The following MAST4 variants were observed in gnomAD, a reference collection of about 807,000 sequenced individuals.
The protein encoded by MAST4 is microtubule-associated serine/threonine-protein kinase 4.
MAST4 carries 89 observed loss-of-function variants against 162.7 expected under a neutral mutation model. That is an observed-to-expected ratio of 0.55 (90% CI 0.46 to 0.65). MAST4 has a LOEUF of 0.65. Among genes scored for constraint, MAST4 ranks in the 30% least tolerant of loss-of-function variants. The probability of loss-of-function intolerance (pLI) is 0.00; values close to 1 mark genes in which losing one functional copy is unlikely to be tolerated. For synonymous variants in MAST4, 1,479 were observed against 1,361.1 expected (o/e 1.09, Z -1.91); for missense variants, 3,153 against 3,374.0 (o/e 0.93, Z 1.62).
chr5:66,993,905 A>G (rs188123459), intron 4 of MAST4, among the ~76,000 whole-genome samples: 29 of 140,188 alleles, frequency 2.1e-4, no homozygotes, highest in African/African-American at 7.3e-4. Flanking sequence ...TATAGAATCA[A>G]TGGGTGTGCA....
At chr5:66,733,011 C>T (rs1234221473) in intron 1 of MAST4, among the ~76,000 whole-genome samples, 2 of 151,996 alleles carry the variant, frequency 1.3e-5, no homozygotes, top group Non-Finnish European at 2.9e-5. Flanking sequence ...TAATCCAGGT[C>T]TTCCCTTCAT....
chr5:67,114,998 A>G (rs921844847), intron 12 of MAST4: 1 of 150,082 alleles, frequency 6.7e-6, no homozygotes, highest in Non-Finnish European at 1.5e-5. Flanking sequence ...GTGAACCGAG[A>G]TCGCACCACT....
chr5:66,773,046 A>T (rs763414335), intron 2 of MAST4, among the ~76,000 whole-genome samples: 1 of 152,128 alleles, frequency 6.6e-6, no homozygotes, highest in Non-Finnish European at 1.5e-5. Flanking sequence ...TACCCAGGCC[A>T]TTCATCTCTT....
chr5:66,606,310 T>C (rs1476661643), intron 1 of MAST4, among the ~76,000 whole-genome samples: 1 of 152,218 alleles, frequency 6.6e-6, no homozygotes. Context: ...TGCTTGCTTC[T>C]TTTTCTAGAA....
intron 1 of MAST4, among the ~76,000 whole-genome samples, chr5:66,691,706 T>G (rs1209390040): frequency 6.6e-6 from 1 of 152,138 alleles, no homozygotes; most frequent in Non-Finnish European, 1.5e-5. Context: ...CTGAGATAGC[T>G]TTTATAAGGG....
intron 4 of MAST4, among the ~76,000 whole-genome samples, chr5:67,000,746 C>G (rs958593383): frequency 1.8e-5 from 2 of 114,170 alleles, no homozygotes; most frequent in African/African-American, 6.0e-5. Context: ...GAAACTCTGT[C>G]TAAAAAAAAA....
intron 3 of MAST4, among the ~76,000 whole-genome samples, chr5:66,807,963 T>A (rs56146563): frequency 0.015 from 2,339 of 152,342 alleles, 61 homozygotes; most frequent in African/African-American, 0.053. Flanking sequence ...AACAGTTGAC[T>A]CACTCCAAGG....
At chr5:67,139,934 A>C (rs1304113491) in intron 19 of MAST4, among the ~76,000 whole-genome samples, 2 of 152,210 alleles carry the variant, frequency 1.3e-5, no homozygotes, top group African/African-American at 4.8e-5. Context: ...ATGGGCTGTA[A>C]ATCCTTGAGG....
At chr5:66,956,318 G>A (rs1581007112) in intron 4 of MAST4, among the ~76,000 whole-genome samples, 1 of 152,142 alleles carries the variant, frequency 6.6e-6, no homozygotes, top group Admixed American at 6.5e-5. Flanking sequence ...AGGGGTGCTG[G>A]AGTCTTTTTG....
rs1581786536 is a variant in MAST4 at position 67,165,091 on chromosome 5, G to A, written c.5912G>A (p.Arg1971Lys). ...CCCTCAAGGGAGAAGCCAGGCCTGA[G>A]GGAATCGTCTGAAAGAGGCCCTCCC... ...ASPSREKPGL[R>K]ESSERGPPTA... The change falls in exon 29 of 29, where the codon AGG becomes AAG. Residue 1971 changes from arginine to lysine, a missense_variant. Arg to Lys is a conservative substitution (Grantham distance 26). Coordinates refer to ENST00000403625, the MANE Select transcript of MAST4 (RefSeq NM_001164664.2). 6.3e-7 allele frequency: 1 copy of A among 1,594,208 alleles called. No homozygotes were observed. Among genetic ancestry groups the A allele is most frequent in the Non-Finnish European group, 8.5e-7 (1 of 1,170,270 alleles).
In MAST4 at chr5:67,164,128, G is replaced by A. The variant is rs1478861791; in HGVS notation, c.4949G>A (p.Cys1650Tyr). The change falls in exon 29 of 29, where the codon TGC (cysteine) becomes TAC (tyrosine). Residue 1650 changes from cysteine (C) to tyrosine (Y), a missense_variant. Coordinates refer to ENST00000403625, the MANE Select transcript of MAST4 (RefSeq NM_001164664.2). The surrounding 1 kb of genome is among the most constrained non-coding windows in gnomAD (Gnocchi z 5.3). Reference protein sequence around the residue: ...PAPGTLQDGLCHSLDRGISGK... With the variant: ...PAPGTLQDGLYHSLDRGISGK... ...CCTGGCACCCTCCAGGATGGTCTCTGCCACTCCCTCGACAGGGGCATCTCT... is the reference window on the plus strand; with the variant it reads ...CCTGGCACCCTCCAGGATGGTCTCTACCACTCCCTCGACAGGGGCATCTCT... 2 of 1,601,444 alleles carry A rather than the reference G, an allele frequency of 1.2e-6. No individual in the cohort carries two copies. Among genetic ancestry groups the A allele is most frequent in the East Asian group, 2.3e-5 (1 of 44,344 alleles).
chr5:66,728,996 T>C (rs946611704), intron 1 of MAST4, among the ~76,000 whole-genome samples: 1 of 152,206 alleles, frequency 6.6e-6, no homozygotes, highest in Non-Finnish European at 1.5e-5. Flanking sequence ...TCAGCTTTTT[T>C]GATAATTTTT....
chr5:67,144,600 G>T, intron 21 of MAST4, 69 bp from the exon 22 acceptor site: 1 of 1,520,010 alleles, frequency 6.6e-7, no homozygotes, highest in Non-Finnish European at 9.1e-7. Flanking sequence ...TTTCTCCCAA[G>T]ACTTGGAGTG....
chr5:66,970,261 G>A (rs1747265837), intron 4 of MAST4, among the ~76,000 whole-genome samples: 1 of 152,226 alleles, frequency 6.6e-6, no homozygotes, highest in South Asian at 2.1e-4. Context: ...GGATGTGTGT[G>A]CGGTGCTCCA....
intron 4 of MAST4, among the ~76,000 whole-genome samples, chr5:66,951,630 G>GTGTGTGTGTGTATGTA (rs1744699564): frequency 6.8e-6 from 1 of 147,126 alleles, no homozygotes; most frequent in African/African-American, 2.6e-5. Context: ...GTGTGTGTGT[G>GTGTGTGTGTGTATGTA]TGTGTGTGTG....
Position 66,637,919 on chromosome 5 carries a change from C to T in MAST4, c.363+40901C>T, listed in dbSNP as rs571490714. ...AGAGGTGAGGTCTCACCATGTTACC[C>T]AGGCTGGTCTCAAGTTCAAGTGATC... On this transcript the variant is annotated intron_variant, in intron 1 of 28. Coordinates refer to ENST00000403625, the MANE Select transcript of MAST4 (RefSeq NM_001164664.2). Among the ~76,000 whole-genome samples, 5 of 152,242 alleles carry T rather than the reference C, an allele frequency of 3.3e-5. 1 individual carries two copies. Among genetic ancestry groups the T allele is most frequent in the African/African-American group, 1.2e-4 (5 of 41,544 alleles).
At chr5:66,956,206 G>C (rs577389883) in intron 4 of MAST4, among the ~76,000 whole-genome samples, 1 of 151,872 alleles carries the variant, frequency 6.6e-6, no homozygotes, top group Non-Finnish European at 1.5e-5. Flanking sequence ...TCTGACTTTC[G>C]TATCTAGCTT....
intron 1 of MAST4, among the ~76,000 whole-genome samples, chr5:66,710,077 C>T (rs1210667632): frequency 6.6e-6 from 1 of 152,204 alleles, no homozygotes; most frequent in Non-Finnish European, 1.5e-5. Context: ...CGGCCCTTGC[C>T]ATCTTTGGAG....
intron 1 of MAST4, among the ~76,000 whole-genome samples, chr5:66,687,709 T>C (rs1748782993): frequency 6.6e-6 from 1 of 152,198 alleles, no homozygotes; most frequent in South Asian, 2.1e-4. Context: ...TCCAGTCAAC[T>C]GTTGATGGAT....
Sources: allele counts gnomAD v4.1 joint callset (sites outside exome capture counted in the v4.1 genomes callset), GRCh38; gene constraint gnomAD v4.1.1; non-coding constraint Gnocchi (gnomAD v3.1); transcripts MANE v1.5; gene names NCBI Gene and HGNC (gene_info 2026-07-23, HGNC 2026-07-21).